Variants in MAGI1 observed in about 807,000 individuals in gnomAD.
MAGI1 encodes the protein membrane associated guanylate kinase, WW and PDZ domain containing 1.
A neutral mutation model predicts 139.9 loss-of-function variants in MAGI1; 58 were observed. That is an observed-to-expected ratio of 0.41 (90% CI 0.34 to 0.52). MAGI1 has a LOEUF of 0.52. Among genes scored for constraint, MAGI1 ranks in the 20% least tolerant of loss-of-function variants. MAGI1 has a pLI of 0.12. For synonymous variants in MAGI1, 812 were observed against 737.9 expected (o/e 1.10, Z -1.63); for missense variants, 1,874 against 1,901.6 (o/e 0.99, Z 0.27).
chr3:65,381,805 G>A, intron 16 of MAGI1, 72 bp downstream of exon 16: 1 of 1,359,268 alleles, frequency 7.4e-7, no homozygotes, highest in Non-Finnish European at 1.0e-6. Flanking sequence ...CAAGGAGGCA[G>A]ACACAGGAAG....
intron 16 of MAGI1, among the ~76,000 whole-genome samples, chr3:65,381,503 C>T (rs1202357238): frequency 6.6e-6 from 1 of 152,008 alleles, no homozygotes; most frequent in African/African-American, 2.4e-5. Flanking sequence ...AGCACAAACC[C>T]GATTTTTGTT....
At chr3:65,392,369 A>T (rs1255084500) in intron 13 of MAGI1, among the ~76,000 whole-genome samples, 1 of 152,170 alleles carries the variant, frequency 6.6e-6, no homozygotes, top group Non-Finnish European at 1.5e-5. Context: ...CAAAACAAAA[A>T]ATCCTGCAGT....
chr3:65,664,314 C>G (rs563856790), intron 1 of MAGI1, among the ~76,000 whole-genome samples: 27 of 152,276 alleles, frequency 1.8e-4, no homozygotes, highest in African/African-American at 6.0e-4. Flanking sequence ...GTCTCTGAGT[C>G]TAGTAACATC....
chr3:65,554,820 T>C (rs2080010709), intron 2 of MAGI1, among the ~76,000 whole-genome samples: 1 of 152,030 alleles, frequency 6.6e-6, no homozygotes, highest in Admixed American at 6.6e-5. Context: ...GTCAACATCA[T>C]GAAAGAAAAG....
At chr3:65,815,487 G>A (rs1359238496) in intron 1 of MAGI1, among the ~76,000 whole-genome samples, 2 of 151,994 alleles carry the variant, frequency 1.3e-5, no homozygotes, top group Non-Finnish European at 2.9e-5. Flanking sequence ...CTTGAAAGGA[G>A]TGCCTAAATT....
At chr3:65,693,648 C>G (rs796315019) in intron 1 of MAGI1, among the ~76,000 whole-genome samples, 28 of 152,248 alleles carry the variant, frequency 1.8e-4, no homozygotes, top group African/African-American at 6.5e-4. Context: ...CGGCCTGATC[C>G]AAGAAGACCA....
intron 13 of MAGI1, among the ~76,000 whole-genome samples, chr3:65,397,402 C>G (rs1039906789): frequency 6.6e-6 from 1 of 152,186 alleles, no homozygotes; most frequent in East Asian, 1.9e-4. Context: ...ATCACTGTGG[C>G]TACCCTGCCG....
Position 65,930,660 on chromosome 3 carries a change from A to G in MAGI1, c.313+107336T>C, listed in dbSNP as rs771209827. ...GGTCGGCACAAGAAACAGGTCACAA[A>G]GACCTTGCTGATTAAACAGGTTGCG... On this transcript the variant is annotated intron_variant, in intron 1 of 22. Coordinates refer to ENST00000402939, the MANE Select transcript of MAGI1 (RefSeq NM_001033057.2). 9.8e-5 allele frequency among the ~76,000 whole-genome samples: 15 copies of G among 152,334 alleles called. No individual in the cohort carries two copies. In the Middle Eastern group the frequency reaches 0.01, roughly 104 times the overall value.
intron 2 of MAGI1, among the ~76,000 whole-genome samples, chr3:65,495,012 C>T (rs1952323196): frequency 6.6e-6 from 1 of 152,234 alleles, no homozygotes; most frequent in East Asian, 1.9e-4. Context: ...TACTCTTACA[C>T]TGTTTCCTAA....
chr3:65,492,463 CG>C (rs1371085686), intron 3 of MAGI1, among the ~76,000 whole-genome samples: 4 of 152,212 alleles, frequency 2.6e-5, no homozygotes, highest in Admixed American at 1.3e-4. Flanking sequence ...AAATAAATTA[CG>C]GTATGCCCAT....
intron 12 of MAGI1, among the ~76,000 whole-genome samples, chr3:65,422,163 G>A (rs149887233): frequency 2.0e-5 from 3 of 152,182 alleles, no homozygotes; most frequent in Non-Finnish European, 4.4e-5. Flanking sequence ...GTAGCCACTC[G>A]CCACATGTGG....
chr3:65,713,520 T>C (rs2031790573), intron 1 of MAGI1, among the ~76,000 whole-genome samples: 1 of 152,148 alleles, frequency 6.6e-6, no homozygotes, highest in South Asian at 2.1e-4. Flanking sequence ...CTGTGGGAAC[T>C]ACTAAAACAA....
intron 2 of MAGI1, among the ~76,000 whole-genome samples, chr3:65,530,189 T>C (rs1228344540): frequency 6.6e-6 from 1 of 152,184 alleles, no homozygotes; most frequent in East Asian, 1.9e-4. Context: ...AGGTGATCCC[T>C]AGTGTTCAGA....
rs140663755 is a variant in MAGI1, at chr3:65,475,733, G to T, written c.757+2859C>A. Among the ~76,000 whole-genome samples the T allele has an allele frequency of 3.2e-3, 490 of 152,110 alleles. 2 individuals are homozygous for T. The highest frequency in any genetic ancestry group is 0.011 in the African/African-American group (477 of 41,520). The stretch of plus-strand genomic sequence containing the variant: ...CAGTTCCATGGTGAGCATCTGGGAT[G>T]ACTGCTCACTGTTCAGCTTCTGCCT... On this transcript the variant is annotated intron_variant, in intron 4 of 22. Transcript: ENST00000402939.
chr3:65,532,048 A>T (rs2078738049), intron 2 of MAGI1, among the ~76,000 whole-genome samples: 1 of 152,106 alleles, frequency 6.6e-6, no homozygotes, highest in South Asian at 2.1e-4. Flanking sequence ...AATTCCTATA[A>T]ATCCGTACAG....
chr3:65,388,115 T>C (rs1943595583), intron 14 of MAGI1, among the ~76,000 whole-genome samples: 1 of 152,214 alleles, frequency 6.6e-6, no homozygotes, highest in Admixed American at 6.5e-5. Context: ...GTGCTCGTCT[T>C]TGTTTTTAAT....
intron 1 of MAGI1, among the ~76,000 whole-genome samples, chr3:65,917,201 C>T (rs1244529319): frequency 6.6e-6 from 1 of 152,172 alleles, no homozygotes; most frequent in Non-Finnish European, 1.5e-5. Flanking sequence ...TATCCTTCTA[C>T]ATCACTAGTA....
chr3:66,013,231 C>T (rs192757098), intron 1 of MAGI1, among the ~76,000 whole-genome samples: 27 of 151,430 alleles, frequency 1.8e-4, no homozygotes, highest in African/African-American at 6.5e-4. Context: ...TGGAGAAACC[C>T]CATCTCTACT....
intron 1 of MAGI1, among the ~76,000 whole-genome samples, chr3:65,664,965 T>C (rs980041747): frequency 1.3e-5 from 2 of 152,330 alleles, no homozygotes; most frequent in African/African-American, 4.8e-5. Flanking sequence ...AAGCAACAAC[T>C]GCCCTAAACC....
Sources: allele counts gnomAD v4.1 joint callset (sites outside exome capture counted in the v4.1 genomes callset), GRCh38; gene constraint gnomAD v4.1.1; transcripts MANE v1.5; gene names NCBI Gene and HGNC (gene_info 2026-07-23, HGNC 2026-07-21).